The following RIT2 variants were observed in gnomAD, a reference collection of about 807,000 sequenced individuals.
RIT2 encodes the protein Ras like without CAAX 2.
A neutral mutation model predicts 23.7 loss-of-function variants in RIT2; 24 were observed. The ratio of observed to expected loss-of-function variants is 1.01; its 90% CI spans 0.73 to 1.43. The LOEUF (loss-of-function observed/expected upper bound fraction) is 1.43, where lower values mean the gene tolerates loss of function less well. Among genes scored for constraint, RIT2 ranks in the 40% most tolerant of loss-of-function variants. The probability of loss-of-function intolerance (pLI) is 0.00; values close to 1 mark genes in which losing one functional copy is unlikely to be tolerated. For synonymous variants in RIT2, 107 were observed against 91.1 expected (o/e 1.17, Z -0.99); for missense variants, 236 against 266.9 (o/e 0.88, Z 0.81).
At chr18:42,981,093 T>C (rs1220498257) in intron 2 of RIT2, among the ~76,000 whole-genome samples, 1 of 152,126 alleles carries the variant, frequency 6.6e-6, no homozygotes, top group Non-Finnish European at 1.5e-5. Context: ...CGGTCACTGA[T>C]GCTGAATGTC....
At chr18:42,867,009 A>G (rs1395609424) in intron 4 of RIT2, among the ~76,000 whole-genome samples, 6 of 152,132 alleles carry the variant, frequency 3.9e-5, no homozygotes, top group Admixed American at 6.6e-5. Context: ...AAAAATCTCT[A>G]TTTTATATCA....
chr18:42,987,692 C>G (rs920176846), intron 2 of RIT2, among the ~76,000 whole-genome samples: 3 of 152,092 alleles, frequency 2.0e-5, no homozygotes, highest in Admixed American at 1.3e-4. Context: ...AAAATAATAC[C>G]TGAGGCTGGG....
At chr18:42,903,113 G>T (rs1389949192) in intron 4 of RIT2, among the ~76,000 whole-genome samples, 13 of 151,790 alleles carry the variant, frequency 8.6e-5, no homozygotes. Context: ...AAATCATCTT[G>T]AATATGACAC....
intron 3 of RIT2, among the ~76,000 whole-genome samples, chr18:42,936,393 G>A (rs1343349342): frequency 1.3e-5 from 2 of 152,082 alleles, no homozygotes. Flanking sequence ...CATCACACTG[G>A]ACAATGTTAA....
At chr18:43,012,534 G>C (rs771213800) in intron 2 of RIT2, among the ~76,000 whole-genome samples, 30 of 151,512 alleles carry the variant, frequency 2.0e-4, no homozygotes, top group Non-Finnish European at 3.1e-4. Context: ...AATAGAAAGG[G>C]TAGTATCTGT....
At chr18:42,773,183 C>G (rs1011717547) in intron 4 of RIT2, among the ~76,000 whole-genome samples, 1 of 152,022 alleles carries the variant, frequency 6.6e-6, no homozygotes, top group Non-Finnish European at 1.5e-5. Flanking sequence ...AAGTGAAAGT[C>G]TTTAAAACTC....
intron 4 of RIT2, among the ~76,000 whole-genome samples, chr18:42,794,126 G>C (rs939515557): frequency 1.3e-5 from 2 of 152,136 alleles, no homozygotes; most frequent in African/African-American, 4.8e-5. Context: ...CAAGAAAACA[G>C]TTCACTCTTT....
rs80033727 is a variant in RIT2, at chr18:43,111,532, C to T, written c.103+3885G>A. Among the ~76,000 whole-genome samples the T allele has an allele frequency of 3.6e-3, 547 of 152,118 alleles. 3 individuals are homozygous for T. The highest frequency in any genetic ancestry group is 0.013 in the African/African-American group (531 of 41,472). ...TGATGTGATTATTATACACTGTATG[C>T]CTGTATCCAAATATCTCATGTACTC... is the stretch of plus-strand genomic sequence containing the variant. On this transcript the variant is annotated intron_variant, in intron 1 of 4. Transcript: ENST00000326695.
intron 4 of RIT2, among the ~76,000 whole-genome samples, chr18:42,752,416 A>T (rs646328): frequency 0.58 from 87,675 of 152,052 alleles, 28,029 homozygotes; most frequent in Middle Eastern, 0.71. Flanking sequence ...AATGGTAGAA[A>T]GGAATTAAAT....
chr18:42,795,256 G>A (rs879485771), intron 4 of RIT2, among the ~76,000 whole-genome samples: 3 of 152,322 alleles, frequency 2.0e-5, no homozygotes, highest in South Asian at 2.1e-4. Flanking sequence ...AGGGAGAGGC[G>A]CGAGCAGGAA....
At chr18:43,039,349 C>CTTT (rs1251475840) in intron 1 of RIT2, among the ~76,000 whole-genome samples, 1 of 133,264 alleles carries the variant, frequency 7.5e-6, no homozygotes, top group African/African-American at 2.8e-5. Flanking sequence ...TTTTTCTTTT[C>CTTT]TTTTTTTTTT....
chr18:43,108,124 G>T (rs1301549120), intron 1 of RIT2, among the ~76,000 whole-genome samples: 1 of 150,810 alleles, frequency 6.6e-6, no homozygotes, highest in Non-Finnish European at 1.5e-5. Flanking sequence ...GCAGTGAGCC[G>T]AGATTGCACC....
chr18:43,053,530 T>C (rs1216855677), intron 1 of RIT2, among the ~76,000 whole-genome samples: 2 of 152,028 alleles, frequency 1.3e-5, no homozygotes, highest in Non-Finnish European at 2.9e-5. Context: ...GACTGGCACA[T>C]AAAGGAACTA....
chr18:43,069,523 C>A (rs1912851173), intron 1 of RIT2, among the ~76,000 whole-genome samples: 2 of 152,162 alleles, frequency 1.3e-5, no homozygotes, highest in African/African-American at 4.8e-5. Flanking sequence ...TCCGTCTAGA[C>A]TTGGCTTGTC....
chr18:43,089,537 A>G (rs754851376), intron 1 of RIT2, among the ~76,000 whole-genome samples: 1 of 151,824 alleles, frequency 6.6e-6, no homozygotes, highest in East Asian at 2.0e-4. Context: ...TATAAAATTT[A>G]CATGGAACCA....
At chr18:42,947,620 A>G (rs766398977) in intron 3 of RIT2, among the ~76,000 whole-genome samples, 7 of 152,120 alleles carry the variant, frequency 4.6e-5, no homozygotes, top group Non-Finnish European at 5.9e-5. Flanking sequence ...ATAAAAATGA[A>G]GGATTTTCTA....
chr18:42,988,978 T>A (rs530567409), intron 2 of RIT2, among the ~76,000 whole-genome samples: 9 of 152,288 alleles, frequency 5.9e-5, no homozygotes, highest in African/African-American at 1.7e-4. Context: ...TGATTAACAA[T>A]AAAACATGTT....
intron 4 of RIT2, among the ~76,000 whole-genome samples, chr18:42,844,181 G>A (rs1233373897): frequency 6.6e-6 from 1 of 152,128 alleles, no homozygotes. Flanking sequence ...TGCCCAGATG[G>A]GGGTGCCTGC....
At chr18:43,014,384 G>T (rs922094600) in intron 2 of RIT2, among the ~76,000 whole-genome samples, 1 of 151,700 alleles carries the variant, frequency 6.6e-6, no homozygotes, top group Admixed American at 6.6e-5. Context: ...TGACAGGGCA[G>T]CCCAAGTACA....
Sources: allele counts gnomAD v4.1 joint callset (sites outside exome capture counted in the v4.1 genomes callset), GRCh38; gene constraint gnomAD v4.1.1; transcripts MANE v1.5; gene names NCBI Gene and HGNC (gene_info 2026-07-23, HGNC 2026-07-21).